The following SV2B variants were observed in gnomAD, a reference collection of about 807,000 sequenced individuals.
The protein encoded by SV2B is solute carrier family 22 member B2.
Under a neutral mutation model 73.9 loss-of-function variants are expected in SV2B, and 41 were observed. The observed-to-expected ratio is 0.56, with a 90% confidence interval of 0.43 to 0.72. The LOEUF (loss-of-function observed/expected upper bound fraction) is 0.72. Among genes scored for constraint, SV2B ranks in the 30% least tolerant of loss-of-function variants. The pLI, the probability that SV2B is intolerant of heterozygous loss-of-function variation, is 0.00. For missense variants in SV2B, 764 were observed against 857.8 expected (o/e 0.89, Z 1.37); for synonymous variants, 314 against 314.2 (o/e 1.00, Z 0.01).
chr15:91,211,250 T>C (rs2045848500), intron 1 of SV2B, among the ~76,000 whole-genome samples: 1 of 152,156 alleles, frequency 6.6e-6, no homozygotes, highest in South Asian at 2.1e-4. Context: ...TTCCCAGAAC[T>C]TCCTTCCTTG....
chr15:91,192,449 T>A (rs1231925722), intron 1 of SV2B, among the ~76,000 whole-genome samples: 2 of 152,234 alleles, frequency 1.3e-5, no homozygotes, highest in Non-Finnish European at 2.9e-5. Context: ...GAGGTCAGTC[T>A]TGGAAGTGAC....
chr15:91,218,028 T>C lies in SV2B; in HGVS notation c.-391-7845T>C, dbSNP rs527889078. Among the ~76,000 whole-genome samples, 6 of 152,346 alleles carry C rather than the reference T, an allele frequency of 3.9e-5. 1 individual carries two copies. In the South Asian group the frequency reaches 1.2e-3, roughly 32 times the overall value. ...CTAAAGTAAAAGGTATTCTTTCTTATCGTTGCTAGGATAGTGGCTGAGACC... is the reference window on the plus strand; with the variant it reads ...CTAAAGTAAAAGGTATTCTTTCTTACCGTTGCTAGGATAGTGGCTGAGACC... On this transcript the variant is annotated intron_variant, in intron 1 of 12. Transcript: ENST00000394232.
intron 2 of SV2B, among the ~76,000 whole-genome samples, chr15:91,250,331 T>C (rs2047434828): frequency 6.6e-6 from 1 of 151,790 alleles, no homozygotes; most frequent in East Asian, 1.9e-4. Context: ...GTGATAAAAA[T>C]TCTCAACAAA....
rs1055575589 is a variant in SV2B, at chr15:91,163,976, A to C, written c.-391-61897A>C. Among the ~76,000 whole-genome samples the C allele has an allele frequency of 3.3e-5, 5 of 152,284 alleles. No individual in the cohort carries two copies. In the East Asian group the frequency reaches 7.7e-4, roughly 23 times the overall value. On this transcript the variant is annotated intron_variant, in intron 1 of 12. Transcript: ENST00000394232. ...GGAAGGGATCCAGTTTCAGCTTTCTACACATGGCTAGCCAGTTTTCCCAGC... is the reference window on the plus strand; with the variant it reads ...GGAAGGGATCCAGTTTCAGCTTTCTCCACATGGCTAGCCAGTTTTCCCAGC...
chr15:91,221,114 C>T (rs1243233617), intron 1 of SV2B, among the ~76,000 whole-genome samples: 2 of 152,094 alleles, frequency 1.3e-5, no homozygotes, highest in Non-Finnish European at 2.9e-5. Context: ...AATCCTCCCA[C>T]CTCAGCCTCC....
intron 1 of SV2B, among the ~76,000 whole-genome samples, chr15:91,219,851 C>G (rs2046159556): frequency 6.6e-6 from 1 of 152,216 alleles, no homozygotes; most frequent in Non-Finnish European, 1.5e-5. Flanking sequence ...TTTGCATATT[C>G]TGGATATTTC....
chr15:91,166,049 C>G (rs1484404905), intron 1 of SV2B, among the ~76,000 whole-genome samples: 1 of 152,156 alleles, frequency 6.6e-6, no homozygotes, highest in Non-Finnish European at 1.5e-5. Context: ...TTTCTGGCTT[C>G]CATGATTTCT....
At chr15:91,111,669 G>A (rs1567260253) in intron 1 of SV2B, among the ~76,000 whole-genome samples, 1 of 152,180 alleles carries the variant, frequency 6.6e-6, no homozygotes, top group Non-Finnish European at 1.5e-5. Flanking sequence ...GGGGTTTGGT[G>A]TATTAGTCTG....
At chr15:91,222,873 C>T (rs2046261969) in intron 1 of SV2B, among the ~76,000 whole-genome samples, 1 of 152,186 alleles carries the variant, frequency 6.6e-6, no homozygotes, top group African/African-American at 2.4e-5. Context: ...AATTCAGTTG[C>T]ACTTGTGGTT....
chr15:91,122,772 C>T lies in SV2B; in HGVS notation c.-392+22409C>T, dbSNP rs1433138001. ...GCCGGGCACAGAGAGACAAACACTG[C>T]CTGATCTCACTGATAAACGGAATCT... is the stretch of plus-strand genomic sequence containing the variant. On this transcript the variant is annotated intron_variant, in intron 1 of 12. Coordinates refer to ENST00000394232, the MANE Select transcript of SV2B (RefSeq NM_001323032.3). This position sits in a 1 kb window ranked among gnomAD's most constrained non-coding sequence, Gnocchi z 4.3. Among the ~76,000 whole-genome samples, 2 of 152,126 alleles carry T rather than the reference C, an allele frequency of 1.3e-5. No individual in the cohort carries two copies. Among genetic ancestry groups the T allele is most frequent in the Non-Finnish European group, 2.9e-5 (2 of 68,032 alleles).
chr15:91,216,456 C>T (rs1596603248), intron 1 of SV2B, among the ~76,000 whole-genome samples: 1 of 151,574 alleles, frequency 6.6e-6, no homozygotes, highest in South Asian at 2.1e-4. Flanking sequence ...TGTACATTTT[C>T]TTTCTTTTCT....
intron 7 of SV2B, 121 bp downstream of exon 7, chr15:91,266,813 GC>G (rs1329059124): frequency 3.0e-5 from 23 of 772,928 alleles, no homozygotes; most frequent in Middle Eastern, 2.5e-4. Context: ...TGGAGAGGAA[GC>G]AACCCTGGAG....
rs143504882 is a variant in SV2B, at chr15:91,233,069, A to G, written c.451+6355A>G. 1.9e-3 allele frequency among the ~76,000 whole-genome samples: 294 copies of G among 152,306 alleles called. 4 individuals are homozygous for G. Among genetic ancestry groups the G allele is most frequent in the African/African-American group, 5.9e-3 (247 of 41,556 alleles). Reference sequence around the variant, plus strand: ...CTTGTTTATGGCTGTGTAGTATTCCATGGTGTATATGCACCACCTTTTCTT... The same window carrying G: ...CTTGTTTATGGCTGTGTAGTATTCCGTGGTGTATATGCACCACCTTTTCTT... On this transcript the variant is annotated intron_variant, in intron 2 of 12. Coordinates refer to ENST00000394232, the MANE Select transcript of SV2B (RefSeq NM_001323032.3).
chr15:91,137,647 T>TATATATTTCATATATAC lies in SV2B; in HGVS notation c.-392+37301_-392+37317dup, dbSNP rs750812205. On this transcript the variant is annotated intron_variant, in intron 1 of 12. Transcript: ENST00000394232. This position sits in a 1 kb window ranked among gnomAD's most constrained non-coding sequence, Gnocchi z 4.9. The stretch of plus-strand genomic sequence containing the variant: ...TATATACATATATTTCATATATACA[T>TATATATTTCATATATAC]ATATATTTCATATATACATATATTT... Among the ~76,000 whole-genome samples, 9 of 34,274 alleles carry TATATATTTCATATATAC rather than the reference T, an allele frequency of 2.6e-4. No individual in the cohort carries two copies. Among genetic ancestry groups the TATATATTTCATATATAC allele is most frequent in the Non-Finnish European group, 4.3e-4 (6 of 13,806 alleles). The allele number at this position is 34,274 out of a possible 152,430, so 22.5% of individuals were successfully genotyped here.
intron 1 of SV2B, among the ~76,000 whole-genome samples, chr15:91,209,426 G>T (rs892110083): frequency 6.6e-6 from 1 of 152,160 alleles, no homozygotes; most frequent in Admixed American, 6.5e-5. Flanking sequence ...CTGGCTGGCA[G>T]TACTAGTTTT....
At chr15:91,269,525 A>T (rs955956895) in intron 9 of SV2B, among the ~76,000 whole-genome samples, 2 of 152,160 alleles carry the variant, frequency 1.3e-5, no homozygotes, top group Non-Finnish European at 2.9e-5. Flanking sequence ...TAACACCACG[A>T]ATTCTCACCT....
At chr15:91,168,711 G>A (rs2044009801) in intron 1 of SV2B, among the ~76,000 whole-genome samples, 1 of 152,132 alleles carries the variant, frequency 6.6e-6, no homozygotes, top group Non-Finnish European at 1.5e-5. Flanking sequence ...TGTTCTTTGA[G>A]TTGTAATTTT....
chr15:91,174,435 TG>T (rs2044231037), intron 1 of SV2B, among the ~76,000 whole-genome samples: 1 of 152,142 alleles, frequency 6.6e-6, no homozygotes, highest in African/African-American at 2.4e-5. Flanking sequence ...GTTCCATTCC[TG>T]GTTGGAAATT....
chr15:91,256,107 T>A (rs900314707), intron 4 of SV2B, among the ~76,000 whole-genome samples: 4 of 151,570 alleles, frequency 2.6e-5, no homozygotes, highest in African/African-American at 4.9e-5. Flanking sequence ...GAAAAAAAAA[T>A]GGATATATTA....
Sources: gnomAD v4.1 joint callset for allele counts (sites outside exome capture counted in the v4.1 genomes callset) on GRCh38, gnomAD v4.1.1 for gene constraint, Gnocchi (gnomAD v3.1) non-coding constraint, MANE v1.5 for transcripts, NCBI Gene and HGNC (gene_info 2026-07-23, HGNC 2026-07-21) for gene names.